RUFY3: variants seen among roughly 807,000 people sequenced by gnomAD.
RUFY3 encodes the protein protein RUFY3.
RUFY3 carries 34 observed loss-of-function variants against 84.0 expected under a neutral mutation model. The observed-to-expected ratio is 0.40, with a 90% CI of 0.31 to 0.54. The LOEUF is 0.54. RUFY3 is among the 20% of genes least tolerant of loss of function. The pLI, the probability that RUFY3 is intolerant of heterozygous loss-of-function variation, is 0.39. For synonymous variants in RUFY3, 242 were observed against 252.9 expected, an observed-to-expected ratio of 0.96 and a Z score of 0.41; for missense variants, 507 against 736.8, an observed-to-expected ratio of 0.69 and a Z score of 3.61.
intron 1 of RUFY3, among the ~76,000 whole-genome samples, chr4:70,756,224 A>G (rs1471031468): frequency 6.6e-6 from 1 of 152,254 alleles, no homozygotes; most frequent in East Asian, 1.9e-4. Context: ...TCTTCTCCAT[A>G]CAGCCCCACT....
upstream of RUFY3, among the ~76,000 whole-genome samples, chr4:70,721,076 G>A (rs1742225561): frequency 6.6e-6 from 1 of 152,152 alleles, no homozygotes; most frequent in African/African-American, 2.4e-5. Context: ...CACTTTGGGA[G>A]GCTGAGGTGG....
exon 1 of RUFY3, chr4:70,704,824 T>TGGCGGC (rs965791239): frequency 2.7e-5 from 18 of 664,588 alleles, no homozygotes; most frequent in South Asian, 1.5e-4. Context: ...AAGGTGGCGG[T>TGGCGGC]GGCGGCGGCG....
At chr4:70,755,924 C>T (rs185145546) in intron 1 of RUFY3, among the ~76,000 whole-genome samples, 12 of 151,662 alleles carry the variant, frequency 7.9e-5, no homozygotes, top group Non-Finnish European at 7.4e-5. Flanking sequence ...GCACTCCATC[C>T]CGGGTGACAG....
chr4:70,714,312 A>G (rs1210700253), intron 1 of RUFY3, among the ~76,000 whole-genome samples: 1 of 152,240 alleles, frequency 6.6e-6, no homozygotes, highest in Admixed American at 6.5e-5. Flanking sequence ...GAGTAAATTA[A>G]TGAAACTCAA....
chr4:70,704,991 C>T, exon 1 of RUFY3: 1 of 1,225,654 alleles, frequency 8.2e-7, no homozygotes, highest in Non-Finnish European at 1.0e-6. Flanking sequence ...CAGCGAGGAG[C>T]CGGCGAGGGG....
rs1577941366 is a variant in RUFY3, at chr4:70,722,428, TA to T, written c.-143del. The T allele has an allele frequency of 1.4e-5, 19 of 1,318,032 alleles. No homozygotes were observed. Among genetic ancestry groups the T allele is most frequent in the Non-Finnish European group, 1.7e-5 (18 of 1,032,770 alleles). The allele number at this position is 1,318,032 out of a possible 1,614,324, so 81.6% of individuals were successfully genotyped here. A position where few individuals can be genotyped will look rare whatever the true frequency, so the allele number is the denominator to read the frequency against. Reference sequence around the variant, plus strand: ...AGGTATTTTTCCTTTTTTTTTTTTTTAAACCTCCCCCACCCTTTTCCTGAAA... The same window carrying T: ...AGGTATTTTTCCTTTTTTTTTTTTTTAACCTCCCCCACCCTTTTCCTGAAA... On this transcript the variant is annotated 5_prime_UTR_variant, in exon 1 of 18. Transcript: ENST00000381006.
intron 1 of RUFY3, among the ~76,000 whole-genome samples, chr4:70,708,743 A>C (rs1205655907): frequency 6.6e-6 from 1 of 152,178 alleles, no homozygotes; most frequent in Non-Finnish European, 1.5e-5. Flanking sequence ...AACAGTGCTG[A>C]AGAATAGCAA....
At chr4:70,756,758 C>G (rs1008985004) in intron 1 of RUFY3, among the ~76,000 whole-genome samples, 3 of 152,176 alleles carry the variant, frequency 2.0e-5, no homozygotes, top group Non-Finnish European at 4.4e-5. Context: ...GCATATTCCC[C>G]TGGTATCCTG....
At chr4:70,745,557 T>C (rs1722063013) in intron 1 of RUFY3, among the ~76,000 whole-genome samples, 1 of 152,202 alleles carries the variant, frequency 6.6e-6, no homozygotes, top group Non-Finnish European at 1.5e-5. Context: ...TGGCCCAGAT[T>C]ACTGCCCGTC....
intron 1 of RUFY3, among the ~76,000 whole-genome samples, chr4:70,736,249 G>GGT (rs1354733215): frequency 6.6e-6 from 1 of 151,918 alleles, no homozygotes. Context: ...TAGTTATAGA[G>GGT]GTGATATATT....
intron 1 of RUFY3, among the ~76,000 whole-genome samples, chr4:70,715,373 C>T (rs1741440957): frequency 6.6e-6 from 1 of 151,846 alleles, no homozygotes; most frequent in Non-Finnish European, 1.5e-5. Context: ...CTCTCGAGGT[C>T]AGGAGTTCAA....
intron 1 of RUFY3, among the ~76,000 whole-genome samples, chr4:70,754,138 T>C (rs75329969): frequency 0.073 from 11,143 of 152,090 alleles, 655 homozygotes; most frequent in East Asian, 0.2. Flanking sequence ...CTGCAGTTTC[T>C]GCCTGCCGGG....
upstream of RUFY3, among the ~76,000 whole-genome samples, chr4:70,718,049 A>G (rs892281350): frequency 1.3e-5 from 2 of 151,192 alleles, no homozygotes; most frequent in African/African-American, 4.9e-5. Context: ...TGCCCAGCTA[A>G]TTTTTTTGTA....
chr4:70,730,989 T>C (rs1411052882), intron 1 of RUFY3, among the ~76,000 whole-genome samples: 1 of 152,066 alleles, frequency 6.6e-6, no homozygotes, highest in African/African-American at 2.4e-5. Context: ...ACAGTCAGCA[T>C]GCAGATAAGG....
At chr4:70,717,478 G>T (rs1165311136), upstream of RUFY3, among the ~76,000 whole-genome samples, 1 of 152,136 alleles carries the variant, frequency 6.6e-6, no homozygotes, top group African/African-American at 2.4e-5. Context: ...GGTATGGGTT[G>T]TGCAGCATTA....
At chr4:70,767,930 C>A (rs531029422) in intron 4 of RUFY3, among the ~76,000 whole-genome samples, 7 of 151,968 alleles carry the variant, frequency 4.6e-5, no homozygotes, top group African/African-American at 1.7e-4. Context: ...CCACCCGCCT[C>A]GGCCTCCCAA....
intron 1 of RUFY3, among the ~76,000 whole-genome samples, chr4:70,749,791 A>T (rs763249394): frequency 6.6e-6 from 1 of 151,416 alleles, no homozygotes; most frequent in Non-Finnish European, 1.5e-5. Context: ...CTGGGACTAC[A>T]GGTTTGCACC....
chr4:70,767,357 G>A (rs955655501), intron 4 of RUFY3, among the ~76,000 whole-genome samples: 3 of 129,522 alleles, frequency 2.3e-5, no homozygotes, highest in Non-Finnish European at 3.1e-5. Flanking sequence ...TGATCCACCC[G>A]CCTTGACCTC....
At chr4:70,707,378 C>T (rs1740455656) in intron 1 of RUFY3, among the ~76,000 whole-genome samples, 1 of 152,178 alleles carries the variant, frequency 6.6e-6, no homozygotes, top group South Asian at 2.1e-4. Context: ...CCTGCCTCAG[C>T]CTCCTGAGTA....
Sources: allele counts gnomAD v4.1 joint callset (sites outside exome capture counted in the v4.1 genomes callset), GRCh38; gene constraint gnomAD v4.1.1; transcripts MANE v1.5; gene names NCBI Gene and HGNC (gene_info 2026-07-23, HGNC 2026-07-21).